Variants in PDZRN4 observed in about 807,000 individuals in gnomAD.
PDZRN4 encodes PDZ domain containing ring finger 4.
Under a neutral mutation model 99.0 loss-of-function variants are expected in PDZRN4, and 70 were observed. The ratio of observed to expected loss-of-function variants is 0.71; its 90% confidence interval spans 0.58 to 0.86. The LOEUF is 0.86. Among genes scored for constraint, PDZRN4 ranks in the 40% least tolerant of loss-of-function variants. The probability of loss-of-function intolerance (pLI) is 0.00; values close to 1 mark genes in which losing one functional copy is unlikely to be tolerated. For missense variants in PDZRN4, 1,474 were observed against 1,331.2 expected, an observed-to-expected ratio of 1.11 and a Z score of -1.67; for synonymous variants, 551 against 501.6, an observed-to-expected ratio of 1.10 and a Z score of -1.32.
chr12:41,526,971 G>T (rs1300495929), intron 5 of PDZRN4, among the ~76,000 whole-genome samples: 1 of 152,164 alleles, frequency 6.6e-6, no homozygotes, highest in African/African-American at 2.4e-5. Flanking sequence ...ACAGTTTCAG[G>T]TTCAATGCTG....
chr12:41,386,474 T>C (rs950392025), intron 3 of PDZRN4, among the ~76,000 whole-genome samples: 7 of 152,130 alleles, frequency 4.6e-5, no homozygotes, highest in Admixed American at 2.0e-4. Context: ...AAATCAGAGA[T>C]GACACAAACA....
chr12:41,338,618 G>T (rs1951792294), intron 3 of PDZRN4, among the ~76,000 whole-genome samples: 1 of 151,880 alleles, frequency 6.6e-6, no homozygotes. Flanking sequence ...TGAAAATGGA[G>T]ACATGATAAC....
intron 3 of PDZRN4, among the ~76,000 whole-genome samples, chr12:41,252,928 G>T (rs929086843): frequency 6.6e-6 from 1 of 152,076 alleles, no homozygotes. Context: ...CTTAAAATGG[G>T]TATATTTTAT....
chr12:41,266,744 T>C (rs1241826061), intron 3 of PDZRN4, among the ~76,000 whole-genome samples: 2 of 152,170 alleles, frequency 1.3e-5, no homozygotes, highest in Non-Finnish European at 2.9e-5. Flanking sequence ...ATCCAGAATA[T>C]GTTTGTTGGG....
At chr12:41,343,679 C>T (rs1281011561) in intron 3 of PDZRN4, among the ~76,000 whole-genome samples, 6 of 151,536 alleles carry the variant, frequency 4.0e-5, no homozygotes, top group African/African-American at 1.5e-4. Context: ...CACAGTAGGG[C>T]AACCATTGTT....
chr12:41,378,901 C>A (rs368077823), intron 3 of PDZRN4, among the ~76,000 whole-genome samples: 1 of 152,104 alleles, frequency 6.6e-6, no homozygotes, highest in Admixed American at 6.5e-5. Flanking sequence ...AATTCATCAG[C>A]GAATACTGGG....
At chr12:41,437,677 G>A (rs1952642171) in intron 3 of PDZRN4, 2 of 1,174,634 alleles carry the variant, frequency 1.7e-6, no homozygotes, top group African/African-American at 1.5e-5. Flanking sequence ...GTGCACTGAT[G>A]CAGAGACGGG....
chr12:41,237,395 G>T (rs1480187422), intron 3 of PDZRN4, among the ~76,000 whole-genome samples: 1 of 152,124 alleles, frequency 6.6e-6, no homozygotes, highest in Admixed American at 6.6e-5. Flanking sequence ...TATTGGCCAT[G>T]TTATTGCTAT....
At chr12:41,553,907 A>G (rs1172774759) in intron 6 of PDZRN4, among the ~76,000 whole-genome samples, 1 of 152,106 alleles carries the variant, frequency 6.6e-6, no homozygotes, top group African/African-American at 2.4e-5. Flanking sequence ...AGCTTTCTCA[A>G]CTACAAGGTG....
rs1365995978 is a variant in PDZRN4 at position 41,269,775 on chromosome 12, A to G, written c.843+75587A>G. On this transcript the variant is annotated intron_variant, in intron 3 of 9. Transcript: ENST00000402685. Reference sequence around the variant, plus strand: ...AGAAAGATGAAAAGCCAAACTTTAAATAAAGCACAAGATGGAAAGTTTAAG... The same window carrying G: ...AGAAAGATGAAAAGCCAAACTTTAAGTAAAGCACAAGATGGAAAGTTTAAG... Among the ~76,000 whole-genome samples, 4 of 152,304 alleles carry G rather than the reference A, an allele frequency of 2.6e-5. No homozygotes were observed. In the South Asian group the frequency reaches 6.2e-4, roughly 24 times the overall value.
intron 3 of PDZRN4, among the ~76,000 whole-genome samples, chr12:41,306,394 C>A (rs1951569684): frequency 6.6e-6 from 1 of 152,308 alleles, no homozygotes; most frequent in East Asian, 1.9e-4. Context: ...AAAAATAGTA[C>A]AAATTTGTAG....
chr12:41,258,584 A>G (rs560352597), intron 3 of PDZRN4, among the ~76,000 whole-genome samples: 2 of 152,306 alleles, frequency 1.3e-5, no homozygotes, highest in African/African-American at 4.8e-5. Context: ...ATGAAAATAC[A>G]AAGACTACTC....
chr12:41,552,790 A>C, intron 6 of PDZRN4, 36 bp downstream of exon 6: 1 of 1,482,078 alleles, frequency 6.7e-7, no homozygotes. Context: ...TCGAGGAGGG[A>C]GACTAGGAAG....
chr12:41,285,319 C>A (rs1191973281), intron 3 of PDZRN4, among the ~76,000 whole-genome samples: 1 of 152,142 alleles, frequency 6.6e-6, no homozygotes, highest in African/African-American at 2.4e-5. Context: ...CATCTCATTC[C>A]AGTTAGAATG....
At chr12:41,293,721 G>A (rs1289111106) in intron 3 of PDZRN4, among the ~76,000 whole-genome samples, 3 of 152,130 alleles carry the variant, frequency 2.0e-5, no homozygotes, top group Admixed American at 1.3e-4. Flanking sequence ...AATGGCTGAA[G>A]GTGTTTTCAG....
chr12:41,416,624 T>C (rs1274711234), intron 3 of PDZRN4, among the ~76,000 whole-genome samples: 1 of 152,142 alleles, frequency 6.6e-6, no homozygotes, highest in Non-Finnish European at 1.5e-5. Flanking sequence ...ACCAATGCAC[T>C]CCAGCCTGGG....
intron 3 of PDZRN4, among the ~76,000 whole-genome samples, chr12:41,418,600 T>C (rs977805895): frequency 6.6e-6 from 1 of 152,212 alleles, no homozygotes; most frequent in Non-Finnish European, 1.5e-5. Flanking sequence ...TTTTAAATGG[T>C]TAAATGGGAG....
chr12:41,308,805 A>C (rs1283085570), intron 3 of PDZRN4, among the ~76,000 whole-genome samples: 1 of 152,200 alleles, frequency 6.6e-6, no homozygotes, highest in Non-Finnish European at 1.5e-5. Context: ...GTGAAGTTAG[A>C]TTCATATTGT....
chr12:41,264,218 A>T (rs12319787), intron 3 of PDZRN4, among the ~76,000 whole-genome samples: 2 of 152,064 alleles, frequency 1.3e-5, no homozygotes, highest in African/African-American at 4.8e-5. Flanking sequence ...AGAGCTAATT[A>T]TTCTCTAATT....
Sources: gnomAD v4.1 joint callset for allele counts (sites outside exome capture counted in the v4.1 genomes callset) on GRCh38, gnomAD v4.1.1 for gene constraint, MANE v1.5 for transcripts, NCBI Gene and HGNC (gene_info 2026-07-23, HGNC 2026-07-21) for gene names.